Variants in CNTN5 observed in about 807,000 individuals in gnomAD.
The protein encoded by CNTN5 is contactin-5.
In CNTN5, 77 loss-of-function variants were observed where a neutral mutation model predicts 129.1. That is an observed-to-expected ratio of 0.60 (90% CI 0.50 to 0.72). CNTN5 has a LOEUF of 0.72. Ranked by LOEUF, CNTN5 falls within the 30% of genes least tolerant of loss-of-function variation. The pLI is 0.00. For synonymous variants in CNTN5, 509 were observed against 465.6 expected, an observed-to-expected ratio of 1.09 and a Z score of -1.20; for missense variants, 1,478 against 1,328.8, an observed-to-expected ratio of 1.11 and a Z score of -1.75.
chr11:99,993,786 C>T (rs927327902), intron 8 of CNTN5, among the ~76,000 whole-genome samples: 2 of 152,036 alleles, frequency 1.3e-5, no homozygotes, highest in African/African-American at 4.8e-5. Flanking sequence ...ACACAATAAT[C>T]CCATGAAATG....
chr11:100,177,850 C>T (rs1391470745), intron 13 of CNTN5, among the ~76,000 whole-genome samples: 2 of 152,020 alleles, frequency 1.3e-5, no homozygotes, highest in East Asian at 1.9e-4. Context: ...ACCCAGATGA[C>T]GTCATATACT....
At chr11:99,774,138 G>A (rs958168565) in intron 3 of CNTN5, among the ~76,000 whole-genome samples, 3 of 151,438 alleles carry the variant, frequency 2.0e-5, no homozygotes, top group Admixed American at 6.6e-5. Flanking sequence ...TTAAGTTTTC[G>A]AACCACCCCT....
intron 6 of CNTN5, among the ~76,000 whole-genome samples, chr11:99,853,571 T>A (rs1947943606): frequency 6.6e-6 from 1 of 152,050 alleles, no homozygotes; most frequent in African/African-American, 2.4e-5. Flanking sequence ...GGCTAATTTT[T>A]TGTATTTTTA....
At chr11:99,609,750 G>T (rs2135726223) in intron 3 of CNTN5, among the ~76,000 whole-genome samples, 1 of 152,220 alleles carries the variant, frequency 6.6e-6, no homozygotes, top group African/African-American at 2.4e-5. Context: ...TTGGGTAGAA[G>T]ATTATAGTGG....
chr11:99,186,263 T>C lies in CNTN5; in HGVS notation c.-209-139083T>C, dbSNP rs561500716. ...TTACTCAAGGTTTCTAAAAACACAA[T>C]AGAGAGAAATACTTTTCTACTTTAA... On this transcript the variant is annotated intron_variant, in intron 1 of 24. Transcript: ENST00000524871. Among the ~76,000 whole-genome samples, 4 of 151,996 alleles carry C rather than the reference T, an allele frequency of 2.6e-5. No individual in the cohort carries two copies. In the South Asian group the frequency reaches 8.3e-4, roughly 32 times the overall value.
chr11:100,257,929 C>T (rs762818080), intron 17 of CNTN5, among the ~76,000 whole-genome samples: 7 of 152,104 alleles, frequency 4.6e-5, no homozygotes, highest in East Asian at 1.9e-4. Flanking sequence ...CAAAACTGGA[C>T]GGAGAATGAA....
intron 13 of CNTN5, among the ~76,000 whole-genome samples, chr11:100,075,853 A>G (rs954229938): frequency 3.3e-5 from 5 of 152,138 alleles, no homozygotes; most frequent in African/African-American, 1.2e-4. Context: ...TTTGAAACGG[A>G]CAGATGGGAG....
At chr11:100,251,961 G>A (rs1949970657) in intron 16 of CNTN5, among the ~76,000 whole-genome samples, 1 of 152,210 alleles carries the variant, frequency 6.6e-6, no homozygotes, top group Non-Finnish European at 1.5e-5. Flanking sequence ...TCACATGGCA[G>A]TTCTCTTTGT....
chr11:99,230,205 C>T (rs1172864963), intron 1 of CNTN5, among the ~76,000 whole-genome samples: 2 of 151,958 alleles, frequency 1.3e-5, no homozygotes, highest in East Asian at 3.9e-4. Flanking sequence ...ATTAGAAAGA[C>T]TACATATTGT....
At chr11:100,193,891 G>T (rs1327704673) in intron 15 of CNTN5, among the ~76,000 whole-genome samples, 1 of 151,736 alleles carries the variant, frequency 6.6e-6, no homozygotes, top group East Asian at 1.9e-4. Context: ...ATTTAAATCT[G>T]GTTTCTTTGC....
chr11:99,458,863 A>C (rs917145899), intron 2 of CNTN5, among the ~76,000 whole-genome samples: 15 of 152,036 alleles, frequency 9.9e-5, no homozygotes, highest in African/African-American at 3.4e-4. Flanking sequence ...GGTCTAGTAG[A>C]TGAGCAAGAA....
intron 2 of CNTN5, among the ~76,000 whole-genome samples, chr11:99,516,938 G>T (rs1335896773): frequency 2.0e-5 from 3 of 152,070 alleles, no homozygotes; most frequent in Non-Finnish European, 2.9e-5. Context: ...AATGAAAAAT[G>T]AATGGGCACT....
intron 13 of CNTN5, among the ~76,000 whole-genome samples, chr11:100,183,490 A>G (rs927112501): frequency 3.9e-5 from 6 of 152,202 alleles, no homozygotes; most frequent in African/African-American, 1.4e-4. Context: ...CAAGTGAAAT[A>G]AACTAGAGTA....
At chr11:99,694,785 G>GTAATTAC (rs1954196432) in intron 3 of CNTN5, among the ~76,000 whole-genome samples, 1 of 151,814 alleles carries the variant, frequency 6.6e-6, no homozygotes, top group Non-Finnish European at 1.5e-5. Context: ...TTGGTTTTCT[G>GTAATTAC]TTCCTGAGGT....
chr11:100,122,273 G>T (rs1268951079), intron 13 of CNTN5, among the ~76,000 whole-genome samples: 1 of 152,028 alleles, frequency 6.6e-6, no homozygotes. Context: ...AGAATCTGAT[G>T]TCCAAGGACA....
chr11:99,567,134 G>C (rs1414187873), intron 3 of CNTN5, among the ~76,000 whole-genome samples: 1 of 152,052 alleles, frequency 6.6e-6, no homozygotes, highest in Non-Finnish European at 1.5e-5. Flanking sequence ...GAAAGATTCT[G>C]TCTGTCTATA....
intron 8 of CNTN5, among the ~76,000 whole-genome samples, chr11:99,991,179 G>C (rs550570975): frequency 8.5e-5 from 13 of 152,092 alleles, no homozygotes; most frequent in African/African-American, 2.9e-4. Context: ...AAACTCTTCT[G>C]GTTACAGGCC....
intron 1 of CNTN5, among the ~76,000 whole-genome samples, chr11:99,036,458 C>G (rs1863739272): frequency 6.6e-6 from 1 of 151,922 alleles, no homozygotes; most frequent in Admixed American, 6.6e-5. Context: ...TAATAGAGTA[C>G]TTTTGATAAA....
chr11:99,386,015 G>A (rs986338046), intron 2 of CNTN5, among the ~76,000 whole-genome samples: 4 of 152,146 alleles, frequency 2.6e-5, no homozygotes, highest in Non-Finnish European at 4.4e-5. Flanking sequence ...TGAAAGTTAC[G>A]TGGCTGTCCC....
Sources: gnomAD v4.1 joint callset for allele counts (sites outside exome capture counted in the v4.1 genomes callset) on GRCh38, gnomAD v4.1.1 for gene constraint, MANE v1.5 for transcripts, NCBI Gene and HGNC (gene_info 2026-07-23, HGNC 2026-07-21) for gene names.